VIL1: variants seen among roughly 807,000 people sequenced by gnomAD.
The protein encoded by VIL1 is villin-1.
A neutral mutation model predicts 104.0 loss-of-function variants in VIL1; 86 were observed. The observed-to-expected ratio is 0.83, with a 90% CI of 0.69 to 0.99. The LOEUF is 0.99. VIL1 is among the 50% of genes least tolerant of loss of function. The pLI, the probability that VIL1 is intolerant of heterozygous loss-of-function variation, is 0.00. For synonymous variants in VIL1, 394 were observed against 412.6 expected (o/e 0.95, Z 0.55); for missense variants, 944 against 1,054.1 (o/e 0.90, Z 1.45).
chr2:218,426,635 T>C (rs1307975833), intron 4 of VIL1, among the ~76,000 whole-genome samples: 1 of 151,364 alleles, frequency 6.6e-6, no homozygotes, highest in Non-Finnish European at 1.5e-5. Context: ...AGAGTCTTGT[T>C]CTGCCGCCCA....
intron 19 of VIL1, among the ~76,000 whole-genome samples, chr2:218,446,129 G>T (rs1003788363): frequency 6.6e-6 from 1 of 152,110 alleles, no homozygotes; most frequent in Non-Finnish European, 1.5e-5. Flanking sequence ...GACCTCAGTT[G>T]TACCTTCTGC....
chr2:218,428,193 G>A, intron 5 of VIL1, 34 bp from the exon 6 acceptor site: 1 of 1,608,476 alleles, frequency 6.2e-7, no homozygotes, highest in Non-Finnish European at 8.5e-7. Context: ...GGTGAGCTCT[G>A]AGTGGGGTCT....
At chr2:218,444,661 G>A (rs910811173) in intron 19 of VIL1, among the ~76,000 whole-genome samples, 5 of 152,132 alleles carry the variant, frequency 3.3e-5, no homozygotes, top group African/African-American at 1.2e-4. Flanking sequence ...GAGTGTAGGA[G>A]AGGTTTTCAG....
chr2:218,432,648 G>A, intron 12 of VIL1, 145 bp from the exon 13 acceptor site: 1 of 1,102,212 alleles, frequency 9.1e-7, no homozygotes, highest in Non-Finnish European at 1.3e-6. Flanking sequence ...TGGGGTTTTG[G>A]CTGTTTCACA....
At chr2:218,423,626 C>G (rs898741971) in intron 1 of VIL1, 142 bp from the exon 2 acceptor site, 2 of 722,962 alleles carry the variant, frequency 2.8e-6, no homozygotes, top group African/African-American at 3.5e-5. Context: ...GGAAATGGTC[C>G]CTGAGTGGGG....
intron 9 of VIL1, among the ~76,000 whole-genome samples, chr2:218,430,518 G>C (rs1020813976): frequency 1.3e-5 from 2 of 152,088 alleles, no homozygotes; most frequent in Non-Finnish European, 2.9e-5. Flanking sequence ...CCAGTGTTAG[G>C]TTTCAGGCGG....
At position 218,451,020 on chromosome 2, in the gene VIL1, T is replaced by C. The variant is rs976226093; in HGVS notation, c.*1684T>C. 3 of 152,148 alleles carry C rather than the reference T, an allele frequency of 2.0e-5. No individual in the cohort carries two copies. The highest frequency in any genetic ancestry group is 7.2e-5 in the African/African-American group (3 of 41,430). The allele number at this position is 152,148 out of a possible 1,614,324, so 9.4% of individuals were successfully genotyped here. On this transcript the variant is annotated 3_prime_UTR_variant, in exon 20 of 20. Coordinates refer to ENST00000248444, the MANE Select transcript of VIL1 (RefSeq NM_007127.3). ...GTGGTTAAACACAGCAAAATAATTG[T>C]CACAAAACTTTCAAGGCCTAACAAA...
Position 218,449,254 on chromosome 2 carries a change from C to T in VIL1, c.2402C>T (p.Ala801Val), listed in dbSNP as rs1033953915. ...EHLSIEDFTQ[A>V]FGMTPAAFSA... is the part of the protein sequence containing the mutation. Reference sequence around the variant, plus strand: ...CTGTCCATTGAAGATTTCACTCAGGCCTTTGGGATGACTCCAGCTGCCTTC... The same window carrying T: ...CTGTCCATTGAAGATTTCACTCAGGTCTTTGGGATGACTCCAGCTGCCTTC... The change falls in exon 20 of 20, where the codon GCC (alanine) becomes GTC (valine). Residue 801 changes from alanine (A) to valine (V), a missense_variant. By Grantham distance (64) the Ala-to-Val change is moderately conservative. Transcript: ENST00000248444. 4.3e-6 allele frequency: 7 copies of T among 1,614,032 alleles called. No individual in the cohort carries two copies. The East Asian group carries it at 1.3e-4, about 31-fold the overall frequency.
intron 4 of VIL1, among the ~76,000 whole-genome samples, chr2:218,426,261 C>CA (rs1553532837): frequency 6.8e-6 from 1 of 147,140 alleles, no homozygotes; most frequent in Non-Finnish European, 1.5e-5. Context: ...CTTTTTCTTC[C>CA]TTTTTTTTTT....
chr2:218,429,534 G>A (rs754714885), intron 7 of VIL1, 47 bp downstream of exon 7: 9 of 1,613,716 alleles, frequency 5.6e-6, no homozygotes, highest in Non-Finnish European at 7.6e-6. Context: ...CTCCCTGGGA[G>A]AAGGTGCCCT....
At chr2:218,422,072 G>A (rs1236279815) in intron 1 of VIL1, among the ~76,000 whole-genome samples, 1 of 152,070 alleles carries the variant, frequency 6.6e-6, no homozygotes, top group Non-Finnish European at 1.5e-5. Flanking sequence ...TGGCCAACAT[G>A]GTGAAACCCC....
chr2:218,442,140 A>T (rs538956295), intron 19 of VIL1, among the ~76,000 whole-genome samples: 1 of 152,256 alleles, frequency 6.6e-6, no homozygotes, highest in East Asian at 1.9e-4. Context: ...ATGGTGGAGG[A>T]GGTGGAGAGA....
In VIL1 at chr2:218,440,712, T is replaced by G. The variant is rs1402285404; in HGVS notation, c.2230-10T>G. On this transcript the variant is annotated splice_polypyrimidine_tract_variant and intron_variant, in intron 18 of 19. Transcript: ENST00000248444. The stretch of plus-strand genomic sequence containing the variant: ...GCTAAAGTAACCAGTGGTTTCCTTT[T>G]CTTTCCTAGGAGGTCACAAGCCCCA... 6.2e-7 allele frequency: 1 copy of G among 1,613,618 alleles called. No homozygotes were observed. Among genetic ancestry groups the G allele is most frequent in the African/African-American group, 1.3e-5 (1 of 74,890 alleles).
At chr2:218,424,501 G>A (rs1688947414) in intron 3 of VIL1, 150 bp downstream of exon 3, 6 of 769,202 alleles carry the variant, frequency 7.8e-6, no homozygotes, top group Middle Eastern at 2.8e-4. Context: ...AACCCTGTGG[G>A]GGCTTCACAG....
At chr2:218,439,863 G>T (rs778201768) in intron 18 of VIL1, among the ~76,000 whole-genome samples, 48 of 147,988 alleles carry the variant, frequency 3.2e-4, no homozygotes, top group Non-Finnish European at 6.4e-4. Context: ...GAAAAAAAAT[G>T]TATTTAGCCT....
At position 218,436,518 on chromosome 2, in the gene VIL1, C is replaced by CT. The variant is rs763869848; in HGVS notation, c.1866dup (p.Glu623Ter). 4.5e-5 allele frequency: 72 copies of CT among 1,613,992 alleles called. 1 individual carries two copies. The highest frequency in any genetic ancestry group is 5.8e-5 in the Non-Finnish European group (68 of 1,180,030). Reference sequence around the variant, plus strand: ...AAAACCTGGTCATCACCCCCCGGCTCTTTGAGTGTTCCAACAAGACTGGGC... The same window carrying CT: ...AAAACCTGGTCATCACCCCCCGGCTCTTTTGAGTGTTCCAACAAGACTGGGC... On this transcript the variant is annotated frameshift_variant, in exon 16 of 20. Transcript: ENST00000248444. LOFTEE classifies it high-confidence loss of function.
rs1689437306 is a variant in VIL1 at position 218,449,744 on chromosome 2, C to T, written c.*408C>T. 5.6e-6 allele frequency: 1 copy of T among 177,768 alleles called. No individual in the cohort carries two copies. The highest frequency in any genetic ancestry group is 1.2e-4 in the South Asian group (1 of 8,170). The allele number at this position is 177,768 out of a possible 1,614,324, so 11.0% of individuals were successfully genotyped here. A position where few individuals can be genotyped will look rare whatever the true frequency, so the allele number is the denominator to read the frequency against. ...GCACTTTGCAGGTTTACATCTTCCC[C>T]AGAGTAACAGCTTTTCCTTTTCACA... On this transcript the variant is annotated 3_prime_UTR_variant, in exon 20 of 20. Transcript: ENST00000248444.
intron 2 of VIL1, among the ~76,000 whole-genome samples, 193 bp downstream of exon 2, chr2:218,424,046 T>C (rs1443791336): frequency 1.3e-5 from 2 of 152,154 alleles, no homozygotes; most frequent in Non-Finnish European, 2.9e-5. Context: ...CTTCTCCCTC[T>C]GTCTCTCAAC....
In VIL1 at chr2:218,434,689, A is replaced by G; in HGVS notation, c.1664A>G (p.Tyr555Cys). Reference sequence around the variant, plus strand: ...GTCCTCAAGACCCAGTCTTGCTGCTATCTATGGTGTGGGAAGGTGTGTTCA... The same window carrying G: ...GTCCTCAAGACCCAGTCTTGCTGCTGTCTATGGTGTGGGAAGGTGTGTTCA... ...VFVLKTQSCC[Y>C]LWCGKGCSGD... The change falls in exon 14 of 20, where the codon TAT (tyrosine) becomes TGT (cysteine). Residue 555 changes from tyrosine (Y) to cysteine (C), a missense_variant. Transcript: ENST00000248444. 1 of 1,613,480 alleles carries G rather than the reference A, an allele frequency of 6.2e-7. No homozygotes were observed. Among genetic ancestry groups the G allele is most frequent in the Non-Finnish European group, 8.5e-7 (1 of 1,179,670 alleles).
Sources: allele counts gnomAD v4.1 joint callset (sites outside exome capture counted in the v4.1 genomes callset), GRCh38; gene constraint gnomAD v4.1.1; transcripts MANE v1.5; gene names NCBI Gene and HGNC (gene_info 2026-07-23, HGNC 2026-07-21).